SND1: variants seen among roughly 807,000 people sequenced by gnomAD.
SND1 encodes the protein staphylococcal nuclease and tudor domain containing 1, also known as staphylococcal nuclease domain-containing protein 1.
A neutral mutation model predicts 121.7 loss-of-function variants in SND1; 38 were observed. That is an observed-to-expected ratio of 0.31 (90% CI 0.24 to 0.41). The LOEUF (loss-of-function observed/expected upper bound fraction) is 0.41. Ranked by LOEUF, SND1 falls within the 10% of genes least tolerant of loss-of-function variation. The pLI, the probability that SND1 is intolerant of heterozygous loss-of-function variation, is 1.00. For synonymous variants in SND1, 401 were observed against 447.4 expected (o/e 0.90, Z 1.31); for missense variants, 868 against 1,184.6 (o/e 0.73, Z 3.92).
chr7:127,826,038 A>G (rs1798637297), intron 11 of SND1, among the ~76,000 whole-genome samples: 1 of 152,058 alleles, frequency 6.6e-6, no homozygotes, highest in African/African-American at 2.4e-5. Context: ...TAAAAATACA[A>G]AAATTAGCTG....
intron 16 of SND1, among the ~76,000 whole-genome samples, chr7:128,072,217 G>C (rs906376964): frequency 3.9e-5 from 6 of 152,206 alleles, no homozygotes; most frequent in Non-Finnish European, 8.8e-5. Context: ...CCTCTGCAGC[G>C]TATCTCTGAC....
chr7:127,755,952 CTA>C (rs1473149715), intron 10 of SND1, among the ~76,000 whole-genome samples: 2 of 152,106 alleles, frequency 1.3e-5, no homozygotes, highest in Non-Finnish European at 2.9e-5. Flanking sequence ...AATGGGAAGT[CTA>C]TTAATTTTTT....
intron 1 of SND1, among the ~76,000 whole-genome samples, chr7:127,678,201 C>T (rs1413713718): frequency 1.3e-5 from 2 of 152,148 alleles, no homozygotes; most frequent in African/African-American, 2.4e-5. Context: ...AACTTCAACC[C>T]CAATCCTTGC....
chr7:127,772,770 A>G (rs1249934784), intron 10 of SND1, among the ~76,000 whole-genome samples: 1 of 152,172 alleles, frequency 6.6e-6, no homozygotes, highest in Non-Finnish European at 1.5e-5. Flanking sequence ...AGCAAATCTT[A>G]TGAAACAGTG....
intron 16 of SND1, among the ~76,000 whole-genome samples, chr7:128,063,118 A>G (rs1439753842): frequency 6.6e-6 from 1 of 152,106 alleles, no homozygotes; most frequent in Non-Finnish European, 1.5e-5. Context: ...TCGTTAGCTC[A>G]TGCCCTATCC....
chr7:127,705,937 C>T (rs1562985291), intron 8 of SND1, among the ~76,000 whole-genome samples: 2 of 152,098 alleles, frequency 1.3e-5, no homozygotes, highest in Admixed American at 6.5e-5. Flanking sequence ...AGGTCTTTTT[C>T]ATCCTTGAGT....
chr7:127,695,630 G>A (rs1008378587), intron 3 of SND1, among the ~76,000 whole-genome samples: 9 of 152,220 alleles, frequency 5.9e-5, no homozygotes, highest in Admixed American at 3.9e-4. Flanking sequence ...ACAAGAGTTC[G>A]AGACCAGCCT....
At chr7:127,825,356 G>A (rs1053031581) in intron 11 of SND1, among the ~76,000 whole-genome samples, 11 of 151,462 alleles carry the variant, frequency 7.3e-5, no homozygotes, top group Admixed American at 3.9e-4. Context: ...TGATCCACCT[G>A]CCTTGGCCTC....
In SND1 at chr7:127,746,366, G is replaced by A. The variant is rs192204305; in HGVS notation, c.1152+24966G>A. Among the ~76,000 whole-genome samples, 88 of 152,200 alleles carry A rather than the reference G, an allele frequency of 5.8e-4. 1 individual carries two copies. The highest frequency in any genetic ancestry group is 3.4e-3 in the Middle Eastern group (1 of 294). On this transcript the variant is annotated intron_variant, in intron 10 of 23. Coordinates refer to ENST00000354725, the MANE Select transcript of SND1 (RefSeq NM_014390.4). Reference sequence around the variant, plus strand: ...AAGATTTCATTCTGCTTTCTTGCCCGCTACACCAGCATTTTCAACCCTAGC... The same window carrying A: ...AAGATTTCATTCTGCTTTCTTGCCCACTACACCAGCATTTTCAACCCTAGC...
At chr7:127,756,717 T>TC (rs1321976804) in intron 10 of SND1, among the ~76,000 whole-genome samples, 1 of 152,188 alleles carries the variant, frequency 6.6e-6, no homozygotes, top group Non-Finnish European at 1.5e-5. Flanking sequence ...CACTTACCTG[T>TC]CCCCAAATAA....
At chr7:127,950,022 TAA>T (rs1411283431) in intron 15 of SND1, among the ~76,000 whole-genome samples, 2 of 152,204 alleles carry the variant, frequency 1.3e-5, no homozygotes, top group Non-Finnish European at 2.9e-5. Context: ...GTAGAAGCTG[TAA>T]AGAGACTGTG....
intron 15 of SND1, among the ~76,000 whole-genome samples, chr7:127,985,737 C>G (rs1802372652): frequency 6.6e-6 from 1 of 152,100 alleles, no homozygotes; most frequent in South Asian, 2.1e-4. Context: ...TCTTCCTGGC[C>G]CAGAGTAGAC....
rs140404034 is a variant in SND1 at position 127,853,845 on chromosome 7, A to G, written c.1343+9421A>G. On this transcript the variant is annotated intron_variant, in intron 12 of 23. Transcript: ENST00000354725. ...TTTTGCTCCTAGCTACTCTGTGGGC[A>G]TCACAGGGAAGTGGAGATTCTGGCT... is the stretch of plus-strand genomic sequence containing the variant. 2.9e-3 allele frequency among the ~76,000 whole-genome samples: 442 copies of G among 152,336 alleles called. 1 individual carries two copies. The highest frequency in any genetic ancestry group is 9.1e-3 in the African/African-American group (378 of 41,588).
intron 9 of SND1, chr7:127,718,606 G>A (rs1587617653): frequency 3.0e-6 from 3 of 985,388 alleles, no homozygotes; most frequent in East Asian, 1.1e-4. Context: ...GAGATGCTGA[G>A]CAGCAGAGAG....
intron 15 of SND1, among the ~76,000 whole-genome samples, chr7:127,962,475 C>T (rs889816299): frequency 1.3e-5 from 2 of 152,138 alleles, no homozygotes; most frequent in Non-Finnish European, 2.9e-5. Flanking sequence ...TGTATTTCCC[C>T]CAAATGGCAA....
chr7:127,712,269 G>A (rs937456796), intron 9 of SND1, among the ~76,000 whole-genome samples: 1 of 151,988 alleles, frequency 6.6e-6, no homozygotes, highest in Non-Finnish European at 1.5e-5. Context: ...AGCGATCCTC[G>A]TGCCTCAGCC....
chr7:127,988,480 C>G (rs1008326598), intron 15 of SND1, among the ~76,000 whole-genome samples: 1 of 152,200 alleles, frequency 6.6e-6, no homozygotes, highest in African/African-American at 2.4e-5. Context: ...TTGGTTTTCA[C>G]AGGCCCAGAG....
chr7:128,030,029 G>A (rs771491079), intron 16 of SND1: 1 of 1,613,180 alleles, frequency 6.2e-7, no homozygotes, highest in Non-Finnish European at 8.5e-7. Context: ...TGTTGCACAT[G>A]CCCAAGTTCA....
intron 1 of SND1, among the ~76,000 whole-genome samples, chr7:127,684,264 G>C (rs1251710846): frequency 6.6e-6 from 1 of 152,100 alleles, no homozygotes; most frequent in East Asian, 1.9e-4. Flanking sequence ...TTTATGACTG[G>C]GCTTTACCAA....
Sources: allele counts gnomAD v4.1 joint callset (sites outside exome capture counted in the v4.1 genomes callset), GRCh38; gene constraint gnomAD v4.1.1; transcripts MANE v1.5; gene names NCBI Gene and HGNC (gene_info 2026-07-23, HGNC 2026-07-21).